Variants in FHIT observed in about 807,000 individuals in gnomAD.
FHIT encodes the protein fragile histidine triad diadenosine triphosphatase, also known as bis(5'-adenosyl)-triphosphatase.
Under a neutral mutation model 17.9 loss-of-function variants are expected in FHIT, and 19 were observed. That is an observed-to-expected ratio of 1.06 (90% CI 0.74 to 1.56). FHIT has a LOEUF of 1.56. Ranked by LOEUF, FHIT falls within the 40% of genes most tolerant of loss-of-function variation. The pLI, the probability that FHIT is intolerant of heterozygous loss-of-function variation, is 0.00. For synonymous variants in FHIT, 81 were observed against 69.7 expected (o/e 1.16, Z -0.81); for missense variants, 248 against 189.2 (o/e 1.31, Z -1.82).
chr3:60,692,363 T>G (rs2041011533), intron 4 of FHIT, among the ~76,000 whole-genome samples: 1 of 152,188 alleles, frequency 6.6e-6, no homozygotes, highest in South Asian at 2.1e-4. Context: ...AAAGGAAAAT[T>G]AAGGTAGCAG....
intron 5 of FHIT, among the ~76,000 whole-genome samples, chr3:60,035,826 C>T (rs1478804586): frequency 6.6e-6 from 1 of 152,198 alleles, no homozygotes; most frequent in East Asian, 1.9e-4. Context: ...GTCTTCTACT[C>T]TGAATATCTT....
chr3:60,361,537 A>C (rs2107001137), intron 5 of FHIT, among the ~76,000 whole-genome samples: 1 of 152,274 alleles, frequency 6.6e-6, no homozygotes, highest in Non-Finnish European at 1.5e-5. Flanking sequence ...CAAGTAAACA[A>C]AGGATGGATT....
chr3:60,423,238 G>T (rs889212799), intron 5 of FHIT, among the ~76,000 whole-genome samples: 1 of 152,060 alleles, frequency 6.6e-6, no homozygotes, highest in South Asian at 2.1e-4. Context: ...GAGACAAAGA[G>T]AATTCAGATT....
chr3:61,157,582 G>T (rs1487888213), intron 2 of FHIT, among the ~76,000 whole-genome samples: 2 of 152,166 alleles, frequency 1.3e-5, no homozygotes, highest in Non-Finnish European at 2.9e-5. Context: ...ACAAACTGAA[G>T]TTTGCCCAGA....
chr3:59,957,614 A>G (rs1026061576), intron 7 of FHIT, among the ~76,000 whole-genome samples: 6 of 152,222 alleles, frequency 3.9e-5, no homozygotes, highest in African/African-American at 1.4e-4. Flanking sequence ...ATGTAATAAC[A>G]TCTCAGGAGC....
At chr3:59,907,164 C>A (rs750861095) in intron 8 of FHIT, among the ~76,000 whole-genome samples, 11 of 152,196 alleles carry the variant, frequency 7.2e-5, no homozygotes, top group South Asian at 2.1e-4. Flanking sequence ...CGATAGGAAG[C>A]CTTTCTGATG....
intron 8 of FHIT, among the ~76,000 whole-genome samples, chr3:59,828,682 C>G (rs1406550921): frequency 6.6e-6 from 1 of 152,168 alleles, no homozygotes; most frequent in Non-Finnish European, 1.5e-5. Flanking sequence ...CATTGAAAAA[C>G]AGTATTTCAG....
chr3:60,967,452 G>A (rs1359306176), intron 3 of FHIT, among the ~76,000 whole-genome samples: 2 of 152,152 alleles, frequency 1.3e-5, no homozygotes, highest in Admixed American at 1.3e-4. Context: ...TTTACACTTG[G>A]ATTTTGAAAG....
chr3:60,482,364 C>A (rs547234754), intron 5 of FHIT, among the ~76,000 whole-genome samples: 4 of 152,240 alleles, frequency 2.6e-5, no homozygotes, highest in African/African-American at 9.6e-5. Context: ...CCTACCCCAA[C>A]GCAACAGAAT....
At chr3:60,547,879 A>G (rs976163246) in intron 4 of FHIT, among the ~76,000 whole-genome samples, 4 of 152,172 alleles carry the variant, frequency 2.6e-5, no homozygotes, top group African/African-American at 9.6e-5. Flanking sequence ...TGCAGGCCCC[A>G]AACTGGGAAA....
At chr3:60,861,942 CAA>C (rs36022063) in intron 3 of FHIT, among the ~76,000 whole-genome samples, 7 of 80,082 alleles carry the variant, frequency 8.7e-5, no homozygotes, top group Admixed American at 1.4e-4. Context: ...GACTCGGTCT[CAA>C]AAAAAAAAAA....
chr3:60,521,041 T>C (rs993869388), intron 5 of FHIT, among the ~76,000 whole-genome samples: 23 of 152,208 alleles, frequency 1.5e-4, no homozygotes, highest in Admixed American at 1.4e-3. Context: ...GTTATTTTAA[T>C]GCCATTTTTA....
At chr3:61,094,046 T>A (rs1485055212) in intron 2 of FHIT, among the ~76,000 whole-genome samples, 3 of 152,128 alleles carry the variant, frequency 2.0e-5, no homozygotes, top group Non-Finnish European at 2.9e-5. Flanking sequence ...TGTCCTCAAC[T>A]TGGGATCCTT....
intron 5 of FHIT, among the ~76,000 whole-genome samples, chr3:60,329,534 G>A (rs993427640): frequency 6.6e-6 from 1 of 152,216 alleles, no homozygotes; most frequent in Non-Finnish European, 1.5e-5. Flanking sequence ...GAGGCAAGCA[G>A]ACCCCTCTTT....
intron 5 of FHIT, among the ~76,000 whole-genome samples, chr3:60,347,689 G>GGGTTTT (rs1553750581): frequency 1.2e-5 from 1 of 85,304 alleles, no homozygotes; most frequent in Non-Finnish European, 2.4e-5. Context: ...GGGGGGGGGG[G>GGGTTTT]TTTGTTTTTT....
chr3:60,606,862 T>G (rs2038624830), intron 4 of FHIT, among the ~76,000 whole-genome samples: 2 of 152,192 alleles, frequency 1.3e-5, no homozygotes, highest in South Asian at 4.1e-4. Context: ...GCATCTTGAT[T>G]CTGTTAACTC....
chr3:60,681,846 G>A (rs1239791591), intron 4 of FHIT, among the ~76,000 whole-genome samples: 2 of 152,150 alleles, frequency 1.3e-5, no homozygotes, highest in African/African-American at 4.8e-5. Flanking sequence ...GATTCATGAG[G>A]TTCAAGGAGA....
At chr3:60,404,351 T>C (rs965777696) in intron 5 of FHIT, among the ~76,000 whole-genome samples, 2 of 152,086 alleles carry the variant, frequency 1.3e-5, no homozygotes, top group African/African-American at 4.8e-5. Flanking sequence ...ATGTGCAGTT[T>C]AAACAAACCC....
intron 8 of FHIT, among the ~76,000 whole-genome samples, chr3:59,875,191 T>A (rs1337774117): frequency 6.6e-6 from 1 of 152,180 alleles, no homozygotes; most frequent in Non-Finnish European, 1.5e-5. Flanking sequence ...CAGGGAACAA[T>A]CACTCAGCCT....
Sources: allele counts gnomAD v4.1 joint callset (sites outside exome capture counted in the v4.1 genomes callset), GRCh38; gene constraint gnomAD v4.1.1; transcripts MANE v1.5; gene names NCBI Gene and HGNC (gene_info 2026-07-23, HGNC 2026-07-21).